NPR2: variants seen among roughly 807,000 people sequenced by gnomAD.
NPR2 encodes the protein natriuretic peptide receptor 2, also known as atrial natriuretic peptide receptor 2.
NPR2 carries 49 observed loss-of-function variants against 120.7 expected under a neutral mutation model. That is an observed-to-expected ratio of 0.41 (90% CI 0.32 to 0.52). The LOEUF (loss-of-function observed/expected upper bound fraction) is 0.52, where lower values mean the gene tolerates loss of function less well. Among genes scored for constraint, NPR2 ranks in the 20% least tolerant of loss-of-function variants. The pLI, the probability that NPR2 is intolerant of heterozygous loss-of-function variation, is 0.36. For synonymous variants in NPR2, 484 were observed against 519.8 expected (o/e 0.93, Z 0.94); for missense variants, 931 against 1,362.9 (o/e 0.68, Z 4.99).
chr9:35,800,865 G>T lies in NPR2; in HGVS notation c.1351+24G>T. On this transcript the variant is annotated intron_variant, in intron 6 of 21. Transcript: ENST00000342694. The surrounding 1 kb of genome is among the most constrained non-coding windows in gnomAD (Gnocchi z 4.7). ...AAGTGGGTGTGTGCAGGGACTGGGA[G>T]CAGCTTTCCTCCCTTTGCTTTCCAT... is the stretch of plus-strand genomic sequence containing the variant. 1 of 1,614,114 alleles carries T rather than the reference G, an allele frequency of 6.2e-7. No individual in the cohort carries two copies.
In NPR2 at chr9:35,800,322, A is replaced by C; in HGVS notation, c.1124-67A>C. 4.7e-6 allele frequency: 7 copies of C among 1,480,676 alleles called. No homozygotes were observed. The highest frequency in any genetic ancestry group is 6.6e-6 in the Non-Finnish European group (7 of 1,058,326). The allele number at this position is 1,480,676 out of a possible 1,614,324, so 91.7% of individuals were successfully genotyped here. ...GAAGGGTAGACTCTGAGGGAGCCGTAGGCATGAGTGAGTGGGAGAGGAGCC... is the reference window on the plus strand; with the variant it reads ...GAAGGGTAGACTCTGAGGGAGCCGTCGGCATGAGTGAGTGGGAGAGGAGCC... On this transcript the variant is annotated intron_variant, in intron 4 of 21. Coordinates refer to ENST00000342694, the MANE Select transcript of NPR2 (RefSeq NM_003995.4). The surrounding 1 kb of genome is among the most constrained non-coding windows in gnomAD (Gnocchi z 4.7).
chr9:35,806,654 G>A lies in NPR2; in HGVS notation c.2519+116G>A. On this transcript the variant is annotated intron_variant, in intron 16 of 21. Transcript: ENST00000342694. This position sits in a 1 kb window ranked among gnomAD's most constrained non-coding sequence, Gnocchi z 4.6. ...CCCTCAGAACCCTGCTGGCCACAGG[G>A]AGCACCCCTGCTTATAGATTATTTG... is the stretch of plus-strand genomic sequence containing the variant. 2 of 1,093,870 alleles carry A rather than the reference G, an allele frequency of 1.8e-6. No homozygotes were observed. Among genetic ancestry groups the A allele is most frequent in the South Asian group, 1.3e-5 (1 of 78,948 alleles). 67.8% of individuals were successfully genotyped at this position (1,093,870 alleles called of 1,614,324 possible).
Position 35,794,001 on chromosome 9 carries a change from C to T in NPR2, c.771C>T (p.Val257=). ...ATTATGTCTTCTTTTACCTGGATGT[C>T]TTTGGGGAGAGTCTCCGTGCAGGCC... ...NGDYVFFYLD[V]FGESLRAGPT... is the part of the protein sequence containing the mutation. Residue 257 remains valine (V), a synonymous_variant, in exon 2 of 22, where the codon GTC becomes GTT. Transcript: ENST00000342694. 2 of 1,614,186 alleles carry T rather than the reference C, an allele frequency of 1.2e-6. No individual in the cohort carries two copies. Among genetic ancestry groups the T allele is most frequent in the Non-Finnish European group, 1.7e-6 (2 of 1,180,022 alleles).
Position 35,802,226 on chromosome 9 carries a change from A to C in NPR2, c.1653A>C (p.Lys551Asn). The change falls in exon 10 of 22, where the codon AAA becomes AAC. Residue 551 changes from lysine to asparagine, a missense_variant. Lys to Asn is a moderately conservative substitution (Grantham distance 94). Coordinates refer to ENST00000342694, the MANE Select transcript of NPR2 (RefSeq NM_003995.4). This position sits in a 1 kb window ranked among gnomAD's most constrained non-coding sequence, Gnocchi z 4.2. ...GHFKGNVVAI[K>N]HVNKKRIELT... ...ATCAGGGAAATGTTGTCGCCATCAA[A>C]CATGTGAATAAGAAGCGCATTGAGC... 1 of 1,607,914 alleles carries C rather than the reference A, an allele frequency of 6.2e-7. No homozygotes were observed. The highest frequency in any genetic ancestry group is 8.5e-7 in the Non-Finnish European group (1 of 1,174,546).
chr9:35,794,032 C>G lies in NPR2; in HGVS notation c.802C>G (p.Arg268Gly). The change falls in exon 2 of 22, where the codon CGT (arginine) becomes GGT (glycine). Residue 268 changes from arginine to glycine, a missense_variant. By Grantham distance (125) the Arg-to-Gly change is moderately radical. Transcript: ENST00000342694. Reference protein sequence around the residue: ...FGESLRAGPTRATGRPWQDNR... With the variant: ...FGESLRAGPTGATGRPWQDNR... ...GGAGAGTCTCCGTGCAGGCCCCACA[C>G]GTGCTACAGGCCGGCCCTGGCAGGA... 2 of 1,614,228 alleles carry G rather than the reference C, an allele frequency of 1.2e-6. No individual in the cohort carries two copies. The highest frequency in any genetic ancestry group is 1.7e-6 in the Non-Finnish European group (2 of 1,180,038).
In NPR2 at chr9:35,794,030, C is replaced by A; in HGVS notation, c.800C>A (p.Thr267Lys). The A allele has an allele frequency of 6.2e-7, 1 of 1,614,222 alleles. No individual in the cohort carries two copies. The change falls in exon 2 of 22, where the codon ACA becomes AAA. Residue 267 changes from threonine to lysine, a missense_variant. Physicochemically the swap from Thr to Lys is moderately conservative, Grantham distance 78. Coordinates refer to ENST00000342694, the MANE Select transcript of NPR2 (RefSeq NM_003995.4). ...GGGGAGAGTCTCCGTGCAGGCCCCA[C>A]ACGTGCTACAGGCCGGCCCTGGCAG... ...VFGESLRAGP[T>K]RATGRPWQDN...
chr9:35,806,402 A>G lies in NPR2; in HGVS notation c.2383A>G (p.Thr795Ala), dbSNP rs1354394960. The change falls in exon 16 of 22, where the codon ACC becomes GCC. Residue 795 changes from threonine (T) to alanine (A), a missense_variant. This residue lies in a region of NPR2 where 184 missense variants were observed against 328.3 expected (regional missense o/e 0.56). Coordinates refer to ENST00000342694, the MANE Select transcript of NPR2 (RefSeq NM_003995.4). The surrounding 1 kb of genome is among the most constrained non-coding windows in gnomAD (Gnocchi z 4.6). ...CTGGCCTCCCTCTAGGGAGGGTGGC[A>G]CCAGCATATTGGACAACCTCCTGCT... ...FIRRFNKEGGTSILDNLLLRM... is the reference protein window; with the variant it reads ...FIRRFNKEGGASILDNLLLRM... 1 of 1,613,918 alleles carries G rather than the reference A, an allele frequency of 6.2e-7. No individual in the cohort carries two copies. Among genetic ancestry groups the G allele is most frequent in the East Asian group, 2.2e-5 (1 of 44,888 alleles).
At position 35,794,045 on chromosome 9, in the gene NPR2, G is replaced by A. The variant is rs752154441; in HGVS notation, c.815G>A (p.Arg272Gln). ...GCAGGCCCCACACGTGCTACAGGCC[G>A]GCCCTGGCAGGACAATCGCACCCGG... ...LRAGPTRATGRPWQDNRTREQ... is the reference protein window; with the variant it reads ...LRAGPTRATGQPWQDNRTREQ... The change falls in exon 2 of 22, where the codon CGG becomes CAG. Residue 272 changes from arginine to glutamine, a missense_variant. Physicochemically the swap from Arg to Gln is conservative, Grantham distance 43. Around this residue, in one of 3 missense-constraint regions of NPR2, gnomAD observed 681 missense variants for 974.3 expected, o/e 0.70. Coordinates refer to ENST00000342694, the MANE Select transcript of NPR2 (RefSeq NM_003995.4). 6.2e-6 allele frequency: 10 copies of A among 1,614,210 alleles called. No homozygotes were observed. Among genetic ancestry groups the A allele is most frequent in the Admixed American group, 5.0e-5 (3 of 60,026 alleles).
In NPR2 at chr9:35,808,258, A is replaced by G. The variant is rs1381870844; in HGVS notation, c.2713-251A>G. On this transcript the variant is annotated intron_variant, in intron 18 of 21. Coordinates refer to ENST00000342694, the MANE Select transcript of NPR2 (RefSeq NM_003995.4). This position sits in a 1 kb window ranked among gnomAD's most constrained non-coding sequence, Gnocchi z 4.0. ...CCTATTTGTCCATGTCCTGCTGCAG[A>G]CAGGGTGTTCATTCATTCCGCAAAT... is the stretch of plus-strand genomic sequence containing the variant. The G allele has an allele frequency of 3.7e-6, 6 of 1,614,036 alleles. No homozygotes were observed. Among genetic ancestry groups the G allele is most frequent in the Non-Finnish European group, 5.1e-6 (6 of 1,180,028 alleles).
Position 35,808,437 on chromosome 9 carries a change from T to C in NPR2, c.2713-72T>C. 2 of 1,525,060 alleles carry C rather than the reference T, an allele frequency of 1.3e-6. No individual in the cohort carries two copies. Among genetic ancestry groups the C allele is most frequent in the Non-Finnish European group, 9.1e-7 (1 of 1,101,552 alleles). The allele number at this position is 1,525,060 out of a possible 1,614,324, so 94.5% of individuals were successfully genotyped here. Reference sequence around the variant, plus strand: ...AGGATGATTAATGATGGTGTCAAGCTTGTCTCCCTCTACTTTTTCCCATCC... The same window carrying C: ...AGGATGATTAATGATGGTGTCAAGCCTGTCTCCCTCTACTTTTTCCCATCC... On this transcript the variant is annotated intron_variant, in intron 18 of 21. Transcript: ENST00000342694. The surrounding 1 kb of genome is among the most constrained non-coding windows in gnomAD (Gnocchi z 4.0).
Position 35,802,196 on chromosome 9 carries a change from C to A in NPR2, c.1633-10C>A, listed in dbSNP as rs201550050. On this transcript the variant is annotated splice_polypyrimidine_tract_variant and intron_variant, in intron 9 of 21. Coordinates refer to ENST00000342694, the MANE Select transcript of NPR2 (RefSeq NM_003995.4). This position sits in a 1 kb window ranked among gnomAD's most constrained non-coding sequence, Gnocchi z 4.2. ...TTCACTTTCCTTTCCCCTTTCACTC[C>A]CACCATCAGGGAAATGTTGTCGCCA... 95 of 1,574,750 alleles carry A rather than the reference C, an allele frequency of 6.0e-5. 1 individual carries two copies. The East Asian group carries it at 2.0e-3, about 33-fold the overall frequency.
At chr9:35,793,213 C>G in intron 1 of NPR2, 138 bp downstream of exon 1, 2 of 937,758 alleles carry the variant, frequency 2.1e-6, no homozygotes, top group Non-Finnish European at 3.1e-6. Context: ...CACACGTGGA[C>G]AGAGCACCTG....
chr9:35,792,875 T>C lies in NPR2; in HGVS notation c.467T>C (p.Leu156Pro). 6.2e-7 allele frequency: 1 copy of C among 1,614,148 alleles called. No homozygotes were observed. Among genetic ancestry groups the C allele is most frequent in the East Asian group, 2.2e-5 (1 of 44,878 alleles). ...AAGCTGGGTGAGTTTGTGGTGACAC[T>C]ACACGGGCACTTCAATTGGACTGCC... The part of the protein sequence containing the change: ...APKLGEFVVT[L>P]HGHFNWTARA... The change falls in exon 1 of 22, where the codon CTA (leucine) becomes CCA (proline). Residue 156 changes from leucine to proline, a missense_variant. Around this residue, in one of 3 missense-constraint regions of NPR2, gnomAD observed 681 missense variants for 974.3 expected, o/e 0.70. Coordinates refer to ENST00000342694, the MANE Select transcript of NPR2 (RefSeq NM_003995.4).
rs1238734284 is a variant in NPR2, at chr9:35,792,657, C to T, written c.249C>T (p.Ser83=). 1.2e-6 allele frequency: 2 copies of T among 1,613,976 alleles called. No homozygotes were observed. Among genetic ancestry groups the T allele is most frequent in the African/African-American group, 2.7e-5 (2 of 74,922 alleles). Residue 83 remains serine, a synonymous_variant, in exon 1 of 22, where the codon AGC becomes AGT. Transcript: ENST00000342694. ...GCTCTGAGTACCTGGCACCGCTGAGCGCTGTGGACCTCAAGCTGTACCATG... is the reference window on the plus strand; with the variant it reads ...GCTCTGAGTACCTGGCACCGCTGAGTGCTGTGGACCTCAAGCTGTACCATG... The part of the protein sequence containing the change: ...GACSEYLAPL[S]AVDLKLYHDP...
At chr9:35,807,689 C>T (rs1421307823) in intron 18 of NPR2, among the ~76,000 whole-genome samples, 2 of 152,226 alleles carry the variant, frequency 1.3e-5, no homozygotes, top group Non-Finnish European at 2.9e-5. Flanking sequence ...CATTTCTCTC[C>T]AGTCCTCTCC....
chr9:35,806,930 C>A lies in NPR2; in HGVS notation c.2520-93C>A, dbSNP rs1050545087. 4.8e-5 allele frequency: 67 copies of A among 1,402,258 alleles called. No homozygotes were observed. The highest frequency in any genetic ancestry group is 1.2e-5 in the Non-Finnish European group (12 of 999,534). 86.9% of individuals were successfully genotyped at this position (1,402,258 alleles called of 1,614,324 possible). On this transcript the variant is annotated intron_variant, in intron 16 of 21. Transcript: ENST00000342694. The surrounding 1 kb of genome is among the most constrained non-coding windows in gnomAD (Gnocchi z 4.6). ...CCTGAAAAGCCTAGCTTTCTTGTTA[C>A]AGCTCATCTCTGCTGCAGCCACATA...
chr9:35,801,224 T>C (rs935031249), intron 7 of NPR2, 70 bp downstream of exon 7: 1 of 1,195,202 alleles, frequency 8.4e-7, no homozygotes, highest in Non-Finnish European at 1.3e-6. Flanking sequence ...TGAAGCCAGG[T>C]GGTCCCTATA....
chr9:35,808,389 A>G lies in NPR2; in HGVS notation c.2713-120A>G, dbSNP rs1828538823. On this transcript the variant is annotated intron_variant, in intron 18 of 21. Transcript: ENST00000342694. The surrounding 1 kb of genome is among the most constrained non-coding windows in gnomAD (Gnocchi z 4.0). The stretch of plus-strand genomic sequence containing the variant: ...GGACCATGGCACTTATTTTCTAGTC[A>G]ATATTCTGGTCTCCAGCATGTCAGG... The G allele has an allele frequency of 3.6e-6, 5 of 1,397,952 alleles. No individual in the cohort carries two copies. The Admixed American group carries it at 9.0e-5, about 25-fold the overall frequency. 86.6% of individuals were successfully genotyped at this position (1,397,952 alleles called of 1,614,324 possible). A position where few individuals can be genotyped will look rare whatever the true frequency, so the allele number is the denominator to read the frequency against.
At position 35,805,909 on chromosome 9, in the gene NPR2, C is replaced by A. The variant is rs775622039; in HGVS notation, c.2127C>A (p.Ser709Arg). 6.2e-7 allele frequency: 1 copy of A among 1,614,218 alleles called. No homozygotes were observed. Among genetic ancestry groups the A allele is most frequent in the Non-Finnish European group, 8.5e-7 (1 of 1,180,024 alleles). ...TTGMQKADVY[S>R]FGIILQEIAL... ...GCATGCAGAAGGCTGACGTCTATAG[C>A]TTTGGGATCATCCTGCAGGAGATAG... Residue 709 changes from serine to arginine, a missense_variant, in exon 14 of 22, where the codon AGC (serine) becomes AGA (arginine). Transcript: ENST00000342694. This position sits in a 1 kb window ranked among gnomAD's most constrained non-coding sequence, Gnocchi z 4.9.
Sources: allele counts gnomAD v4.1 joint callset (sites outside exome capture counted in the v4.1 genomes callset), GRCh38; gene constraint gnomAD v4.1.1; regional missense constraint gnomAD v4.1.1; non-coding constraint Gnocchi (gnomAD v3.1); transcripts MANE v1.5; gene names NCBI Gene and HGNC (gene_info 2026-07-23, HGNC 2026-07-21).